Variants in DMRT1 observed in about 807,000 individuals in gnomAD.
The protein encoded by DMRT1 is doublesex- and mab-3-related transcription factor 1.
In DMRT1, 7 loss-of-function variants were observed where a neutral mutation model predicts 32.3. The observed-to-expected ratio is 0.22, with a 90% CI of 0.12 to 0.41. The LOEUF is 0.41. DMRT1 is among the 10% of genes least tolerant of loss of function. The pLI, the probability that DMRT1 is intolerant of heterozygous loss-of-function variation, is 1.00. For missense variants in DMRT1, 625 were observed against 500.5 expected (o/e 1.25, Z -2.37); for synonymous variants, 278 against 206.1 (o/e 1.35, Z -2.99).
chr9:905,480 GTGTGTGTC>G (rs1564240609), intron 3 of DMRT1, among the ~76,000 whole-genome samples: 31 of 34,398 alleles, frequency 9.0e-4, no homozygotes, highest in South Asian at 1.6e-3. Flanking sequence ...GCCCCTGTGT[GTGTGTGTC>G]TGTGTGTGTG....
intron 4 of DMRT1, among the ~76,000 whole-genome samples, chr9:954,166 G>A (rs887227723): frequency 9.2e-5 from 14 of 152,140 alleles, no homozygotes; most frequent in African/African-American, 2.7e-4. Flanking sequence ...ACGGGGAGAA[G>A]TGGGCAATCA....
intron 3 of DMRT1, among the ~76,000 whole-genome samples, chr9:915,467 A>G (rs940744849): frequency 6.7e-6 from 1 of 148,266 alleles, no homozygotes; most frequent in East Asian, 2.1e-4. Flanking sequence ...GTTGCCGGAA[A>G]AAAATGAATG....
At chr9:862,265 C>G (rs146216140) in intron 2 of DMRT1, among the ~76,000 whole-genome samples, 3 of 151,926 alleles carry the variant, frequency 2.0e-5, no homozygotes, top group Non-Finnish European at 4.4e-5. Context: ...CTCGGGAGGC[C>G]GAGGCTGGCA....
intron 2 of DMRT1, among the ~76,000 whole-genome samples, chr9:875,287 A>C (rs1351754182): frequency 6.6e-6 from 1 of 152,124 alleles, no homozygotes; most frequent in Non-Finnish European, 1.5e-5. Context: ...TGGTTGACGC[A>C]GTTACAGATG....
At chr9:851,020 C>A (rs1356126363) in intron 2 of DMRT1, among the ~76,000 whole-genome samples, 2 of 107,764 alleles carry the variant, frequency 1.9e-5, no homozygotes, top group Admixed American at 2.4e-4. Flanking sequence ...CAGGGTGAGA[C>A]TCTATCTCAA....
chr9:862,177 C>G (rs527510303), intron 2 of DMRT1, among the ~76,000 whole-genome samples: 2 of 151,042 alleles, frequency 1.3e-5, no homozygotes, highest in East Asian at 4.0e-4. Flanking sequence ...TTGTAGCGAG[C>G]CGAGATCACG....
rs189767835 is a variant in DMRT1, at chr9:858,938, G to C, written c.538+11795G>C. Among the ~76,000 whole-genome samples, 91 of 151,120 alleles carry C rather than the reference G, an allele frequency of 6.0e-4. 2 individuals are homozygous for C. Among genetic ancestry groups the C allele is most frequent in the South Asian group, 2.7e-3 (13 of 4,752 alleles). ...TTAAGCATAGAGTTCAGTGGTATTA[G>C]GTACATTCACCATAATGTGCAACTG... On this transcript the variant is annotated intron_variant, in intron 2 of 4. Transcript: ENST00000382276.
chr9:909,739 G>T (rs1817905860), intron 3 of DMRT1, among the ~76,000 whole-genome samples: 1 of 151,956 alleles, frequency 6.6e-6, no homozygotes, highest in Non-Finnish European at 1.5e-5. Flanking sequence ...TTTGAAACAG[G>T]GTCTTAATCT....
chr9:868,335 G>C (rs764383371), intron 2 of DMRT1, among the ~76,000 whole-genome samples: 10 of 152,168 alleles, frequency 6.6e-5, no homozygotes, highest in Non-Finnish European at 1.3e-4. Context: ...GGATCTCTTA[G>C]CTGTATTCTA....
intron 2 of DMRT1, among the ~76,000 whole-genome samples, chr9:851,711 C>T (rs1374352412): frequency 6.6e-6 from 1 of 152,074 alleles, no homozygotes; most frequent in Non-Finnish European, 1.5e-5. Flanking sequence ...ACTGGCCTCT[C>T]TGAGGAGGAT....
intron 2 of DMRT1, among the ~76,000 whole-genome samples, chr9:878,097 G>A (rs1220229420): frequency 6.6e-6 from 1 of 152,116 alleles, no homozygotes; most frequent in East Asian, 1.9e-4. Context: ...CCTTCCGGGG[G>A]TGGCAGAAAA....
At position 862,718 on chromosome 9, in the gene DMRT1, T is replaced by A. The variant is rs186077816; in HGVS notation, c.538+15575T>A. Among the ~76,000 whole-genome samples the A allele has an allele frequency of 2.0e-5, 3 of 152,060 alleles. No homozygotes were observed. The East Asian group carries it at 5.8e-4, about 29-fold the overall frequency. On this transcript the variant is annotated intron_variant, in intron 2 of 4. Coordinates refer to ENST00000382276, the MANE Select transcript of DMRT1 (RefSeq NM_021951.3). ...TGGGACGGGAAGTCTATACTGGGGG[T>A]ACGTTGAAGTGTAGTTTTGGTGGGT...
At chr9:934,271 GT>G (rs1407027681) in intron 4 of DMRT1, among the ~76,000 whole-genome samples, 1 of 135,606 alleles carries the variant, frequency 7.4e-6, no homozygotes, top group Admixed American at 7.3e-5. Context: ...TCTGTTGATA[GT>G]GACCAGTGAG....
chr9:855,975 G>A (rs192942268), intron 2 of DMRT1, among the ~76,000 whole-genome samples: 1 of 151,760 alleles, frequency 6.6e-6, no homozygotes, highest in Non-Finnish European at 1.5e-5. Context: ...GGAGTGCAAT[G>A]GCATGATCTC....
chr9:950,792 A>G (rs1819404232), intron 4 of DMRT1, among the ~76,000 whole-genome samples: 1 of 152,196 alleles, frequency 6.6e-6, no homozygotes, highest in Admixed American at 6.5e-5. Context: ...TCAAGTGAAA[A>G]GCAGTGTTTC....
intron 4 of DMRT1, among the ~76,000 whole-genome samples, chr9:941,411 A>G (rs1234533899): frequency 2.0e-5 from 3 of 149,806 alleles, no homozygotes; most frequent in African/African-American, 7.4e-5. Flanking sequence ...CCTTGAGGAC[A>G]TTATGCTAAG....
intron 4 of DMRT1, among the ~76,000 whole-genome samples, chr9:918,471 T>C (rs1158423441): frequency 6.6e-6 from 1 of 152,112 alleles, no homozygotes; most frequent in African/African-American, 2.4e-5. Flanking sequence ...CGGTAGGCAT[T>C]TGAATTTATG....
intron 3 of DMRT1, among the ~76,000 whole-genome samples, chr9:907,367 T>C (rs1439913948): frequency 6.6e-6 from 1 of 152,176 alleles, no homozygotes; most frequent in African/African-American, 2.4e-5. Flanking sequence ...ACTAGACAAA[T>C]GTAGGTTTCC....
At chr9:940,192 G>A (rs10977652) in intron 4 of DMRT1, among the ~76,000 whole-genome samples, 3,941 of 151,986 alleles carry the variant, frequency 0.026, 119 homozygotes, top group African/African-American at 0.073. Flanking sequence ...ACCATTTAAT[G>A]CAGCAATTCT....
Sources: gnomAD v4.1 joint callset for allele counts (sites outside exome capture counted in the v4.1 genomes callset) on GRCh38, gnomAD v4.1.1 for gene constraint, MANE v1.5 for transcripts, NCBI Gene and HGNC (gene_info 2026-07-23, HGNC 2026-07-21) for gene names.